Variants in ZNF625 observed in about 807,000 individuals in gnomAD.
ZNF625 encodes the protein zinc finger protein 625.
Under a neutral mutation model 11.1 loss-of-function variants are expected in ZNF625, and 8 were observed. That is an observed-to-expected ratio of 0.72 (90% CI 0.42 to 1.30). ZNF625 has a LOEUF of 1.30. Ranked by LOEUF, ZNF625 falls within the 50% of genes most tolerant of loss-of-function variation. The probability of loss-of-function intolerance (pLI) is 0.01; values close to 1 mark genes in which losing one functional copy is unlikely to be tolerated. For synonymous variants in ZNF625, 145 were observed against 153.4 expected (o/e 0.95, Z 0.41); for missense variants, 349 against 447.6 (o/e 0.78, Z 1.99).
chr19:12,156,542 C>A lies in ZNF625; in HGVS notation c.3+14G>T. 1.4e-6 allele frequency: 2 copies of A among 1,428,990 alleles called. No individual in the cohort carries two copies. The highest frequency in any genetic ancestry group is 9.2e-7 in the Non-Finnish European group (1 of 1,089,422). The allele number at this position is 1,428,990 out of a possible 1,614,324, so 88.5% of individuals were successfully genotyped here. A position where few individuals can be genotyped will look rare whatever the true frequency, so the allele number is the denominator to read the frequency against. ...CCCTCCCCCGTCTCGGGACCCCCGG[C>A]CCCGCACACTCACCATTTCCCGGCT... On this transcript the variant is annotated intron_variant, in intron 1 of 3. Coordinates refer to ENST00000439556, the MANE Select transcript of ZNF625 (RefSeq NM_145233.4).
At chr19:12,149,283 C>CAAAAA (rs747461916) in intron 1 of ZNF625, among the ~76,000 whole-genome samples, 7 of 64,420 alleles carry the variant, frequency 1.1e-4, no homozygotes, top group African/African-American at 1.4e-4. Context: ...GACTCAGTCT[C>CAAAAA]AAAAAAAAAA....
chr19:12,153,420 T>G (rs543103845), intron 1 of ZNF625, among the ~76,000 whole-genome samples: 7 of 151,194 alleles, frequency 4.6e-5, no homozygotes, highest in South Asian at 2.1e-4. Flanking sequence ...GTGCAGTAGT[T>G]CATGCCTGTA....
At chr19:12,153,718 A>T (rs1369909168) in intron 1 of ZNF625, among the ~76,000 whole-genome samples, 1 of 151,290 alleles carries the variant, frequency 6.6e-6, no homozygotes, top group East Asian at 1.9e-4. Flanking sequence ...TGATTCTGGC[A>T]GGCATATAGA....
In ZNF625 at chr19:12,156,618, A is replaced by G. The variant is rs776978318; in HGVS notation, c.-60T>C. On this transcript the variant is annotated 5_prime_UTR_variant, in exon 1 of 4. Transcript: ENST00000439556. ...CGGATCCCTCTAACAGTCCAGTCAC[A>G]GTGCGGGCGATGGAGCGACAGAAGC... 6.6e-5 allele frequency: 83 copies of G among 1,262,570 alleles called. No individual in the cohort carries two copies. The highest frequency in any genetic ancestry group is 7.9e-5 in the Non-Finnish European group (79 of 999,934). 78.2% of individuals were successfully genotyped at this position (1,262,570 alleles called of 1,614,324 possible).
chr19:12,145,440 T>C lies in ZNF625; in HGVS notation c.976A>G (p.Thr326Ala), dbSNP rs1468315864. The change falls in exon 4 of 4, where the codon ACT becomes GCT. Residue 326 changes from threonine to alanine, a missense_variant. Coordinates refer to ENST00000439556, the MANE Select transcript of ZNF625 (RefSeq NM_145233.4). ...TTACATTCATAGGGTTTCTCTCCAG[T>C]GTGAGTCCTTCCATGTGTTCGAAGG... ...SHLRTHGRTHTGEKPYECKQC... is the reference protein window; with the variant it reads ...SHLRTHGRTHAGEKPYECKQC... 5 of 1,614,084 alleles carry C rather than the reference T, an allele frequency of 3.1e-6. No individual in the cohort carries two copies. The highest frequency in any genetic ancestry group is 4.2e-6 in the Non-Finnish European group (5 of 1,180,038).
chr19:12,152,714 C>A (rs750335117), intron 1 of ZNF625, among the ~76,000 whole-genome samples: 1 of 151,756 alleles, frequency 6.6e-6, no homozygotes, highest in African/African-American at 2.4e-5. Context: ...TGGTAGCATG[C>A]GCCTGTAATC....
intron 1 of ZNF625, 113 bp downstream of exon 1, chr19:12,156,443 C>T (rs536065856): frequency 1.4e-5 from 12 of 883,390 alleles, no homozygotes; most frequent in Non-Finnish European, 1.8e-5. Flanking sequence ...AGGGGGACTC[C>T]GCTCTGCAGA....
rs749361928 is a variant in ZNF625 at position 12,145,460 on chromosome 19, C to T, written c.956G>A (p.Arg319Gln). 20 of 1,613,758 alleles carry T rather than the reference C, an allele frequency of 1.2e-5. No individual in the cohort carries two copies. Among genetic ancestry groups the T allele is most frequent in the South Asian group, 1.1e-5 (1 of 91,064 alleles). Residue 319 changes from arginine to glutamine, a missense_variant, in exon 4 of 4, where the codon CGA becomes CAA. Arg to Gln is a conservative substitution (Grantham distance 43). Transcript: ENST00000439556. ...GKAFRSASHLRTHGRTHTGEK... is the reference protein window; with the variant it reads ...GKAFRSASHLQTHGRTHTGEK... ...TCCAGTGTGAGTCCTTCCATGTGTT[C>T]GAAGGTGCGAGGCAGATCTGAAGGC...
intron 1 of ZNF625, among the ~76,000 whole-genome samples, chr19:12,149,999 A>G (rs1302561454): frequency 6.6e-6 from 1 of 152,180 alleles, no homozygotes; most frequent in Non-Finnish European, 1.5e-5. Context: ...GTGACCTCCC[A>G]AAGTGCTGGG....
chr19:12,156,546 G>T lies in ZNF625; in HGVS notation c.3+10C>A. 7.0e-7 allele frequency: 1 copy of T among 1,423,572 alleles called. No individual in the cohort carries two copies. The allele number at this position is 1,423,572 out of a possible 1,614,324, so 88.2% of individuals were successfully genotyped here. On this transcript the variant is annotated intron_variant, in intron 1 of 3. Transcript: ENST00000439556. Reference sequence around the variant, plus strand: ...CCCCCGTCTCGGGACCCCCGGCCCCGCACACTCACCATTTCCCGGCTTCCA... The same window carrying T: ...CCCCCGTCTCGGGACCCCCGGCCCCTCACACTCACCATTTCCCGGCTTCCA...
chr19:12,147,347 CTA>C, intron 3 of ZNF625, 46 bp downstream of exon 3: 2 of 1,361,640 alleles, frequency 1.5e-6, no homozygotes, highest in Non-Finnish European at 2.0e-6. Context: ...TTCTTCCATT[CTA>C]TGATTGTCTA....
At chr19:12,149,109 G>A (rs1232561664) in intron 1 of ZNF625, among the ~76,000 whole-genome samples, 1 of 151,472 alleles carries the variant, frequency 6.6e-6, no homozygotes, top group Non-Finnish European at 1.5e-5. Context: ...GTGAAACCCC[G>A]TCTCTTCTAA....
At chr19:12,156,098 T>TC (rs984491598) in intron 1 of ZNF625, among the ~76,000 whole-genome samples, 3 of 151,716 alleles carry the variant, frequency 2.0e-5, no homozygotes, top group African/African-American at 7.2e-5. Flanking sequence ...GCTGAAGCAA[T>TC]CCCCCCGCCT....
In ZNF625 at chr19:12,145,843, G is replaced by C. The variant is rs779134145; in HGVS notation, c.573C>G (p.Tyr191Ter). 16 of 1,614,092 alleles carry C rather than the reference G, an allele frequency of 9.9e-6. No individual in the cohort carries two copies. Among genetic ancestry groups the C allele is most frequent in the Non-Finnish European group, 1.4e-5 (16 of 1,180,056 alleles). ...HRIMHSGDGP[Y>*]KCNFCGKALM... ...AGGCTTTCCCACAAAAGTTACATTT[G>C]TAGGGTCCATCTCCACTGTGCATTA... Residue 191 changes from tyrosine to a stop codon, truncating the protein, a stop_gained, in exon 4 of 4, where the codon TAC becomes TAG. Coordinates refer to ENST00000439556, the MANE Select transcript of ZNF625 (RefSeq NM_145233.4). LOFTEE classifies it low-confidence loss of function (END_TRUNC).
In ZNF625 at chr19:12,156,538, C is replaced by T. The variant is rs1977030289; in HGVS notation, c.3+18G>A. On this transcript the variant is annotated intron_variant, in intron 1 of 3. Coordinates refer to ENST00000439556, the MANE Select transcript of ZNF625 (RefSeq NM_145233.4). Reference sequence around the variant, plus strand: ...CGGCCCCTCCCCCGTCTCGGGACCCCCGGCCCCGCACACTCACCATTTCCC... The same window carrying T: ...CGGCCCCTCCCCCGTCTCGGGACCCTCGGCCCCGCACACTCACCATTTCCC... The T allele has an allele frequency of 2.1e-6, 3 of 1,430,644 alleles. No individual in the cohort carries two copies. The highest frequency in any genetic ancestry group is 2.5e-5 in the Admixed American group (1 of 39,636). 88.6% of individuals were successfully genotyped at this position (1,430,644 alleles called of 1,614,324 possible).
Position 12,145,525 on chromosome 19 carries a change from G to GT in ZNF625, c.890dup (p.His297GlnfsTer8). ...TACATTCATAGGGCTTCTCTCCAGT[G>GT]TGAGTTCTTTCATGATATCGAACGG... On this transcript the variant is annotated frameshift_variant, in exon 4 of 4. Coordinates refer to ENST00000439556, the MANE Select transcript of ZNF625 (RefSeq NM_145233.4). LOFTEE classifies it low-confidence loss of function (END_TRUNC). 1.9e-6 allele frequency: 3 copies of GT among 1,607,810 alleles called. No homozygotes were observed. Among genetic ancestry groups the GT allele is most frequent in the Non-Finnish European group, 2.6e-6 (3 of 1,174,354 alleles).
chr19:12,156,600 C>T lies in ZNF625; in HGVS notation c.-42G>A, dbSNP rs1977031574. ...GTCCTGGCCTCCTCTCCACGGATCC[C>T]TCTAACAGTCCAGTCACAGTGCGGG... On this transcript the variant is annotated 5_prime_UTR_variant, in exon 1 of 4. Coordinates refer to ENST00000439556, the MANE Select transcript of ZNF625 (RefSeq NM_145233.4). The T allele has an allele frequency of 1.5e-6, 2 of 1,317,818 alleles. No individual in the cohort carries two copies. Among genetic ancestry groups the T allele is most frequent in the Non-Finnish European group, 1.9e-6 (2 of 1,030,748 alleles). 81.6% of individuals were successfully genotyped at this position (1,317,818 alleles called of 1,614,324 possible).
intron 1 of ZNF625, among the ~76,000 whole-genome samples, chr19:12,150,332 C>G (rs1194313647): frequency 6.6e-6 from 1 of 152,142 alleles, no homozygotes; most frequent in Non-Finnish European, 1.5e-5. Context: ...AGGACTCCCT[C>G]TTTGACAAGG....
intron 1 of ZNF625, among the ~76,000 whole-genome samples, chr19:12,150,035 G>A (rs10412038): frequency 0.015 from 2,227 of 152,192 alleles, 47 homozygotes; most frequent in African/African-American, 0.051. Flanking sequence ...CACCACGCCC[G>A]GCCCGACCTA....
Sources: gnomAD v4.1 joint callset for allele counts (sites outside exome capture counted in the v4.1 genomes callset) on GRCh38, gnomAD v4.1.1 for gene constraint, MANE v1.5 for transcripts, NCBI Gene and HGNC (gene_info 2026-07-23, HGNC 2026-07-21) for gene names.